The following CAPN13 variants were observed in gnomAD, a reference collection of about 807,000 sequenced individuals.
CAPN13 encodes the protein calpain-13.
In CAPN13, 90 loss-of-function variants were observed where a neutral mutation model predicts 98.4. That is an observed-to-expected ratio of 0.92 (90% CI 0.77 to 1.09). The LOEUF (loss-of-function observed/expected upper bound fraction) is 1.09, where lower values mean the gene tolerates loss of function less well. Ranked by LOEUF, CAPN13 falls within the 50% of genes least tolerant of loss-of-function variation. CAPN13 has a pLI of 0.00. For missense variants in CAPN13, 887 were observed against 841.3 expected (o/e 1.05, Z -0.67); for synonymous variants, 330 against 305.5 (o/e 1.08, Z -0.84).
rs749552987 is a variant in CAPN13, at chr2:30,751,266, G to A, written c.1088-15C>T. 6.2e-7 allele frequency: 1 copy of A among 1,613,070 alleles called. No homozygotes were observed. Among genetic ancestry groups the A allele is most frequent in the Non-Finnish European group, 8.5e-7 (1 of 1,179,244 alleles). Reference sequence around the variant, plus strand: ...CCGAGGTCCTCCTGCATCAGAAAGAGCTGTTACTAGAGCTCAGCTCCACTC... The same window carrying A: ...CCGAGGTCCTCCTGCATCAGAAAGAACTGTTACTAGAGCTCAGCTCCACTC... On this transcript the variant is annotated splice_polypyrimidine_tract_variant and intron_variant, in intron 10 of 22. Transcript: ENST00000295055.
chr2:30,769,816 C>G (rs1558325159), intron 5 of CAPN13, among the ~76,000 whole-genome samples: 1 of 152,152 alleles, frequency 6.6e-6, no homozygotes, highest in African/African-American at 2.4e-5. Context: ...CACCGGGTGC[C>G]CAACTGCCTG....
intron 15 of CAPN13, among the ~76,000 whole-genome samples, chr2:30,740,148 G>A (rs1312727963): frequency 7.3e-6 from 1 of 137,492 alleles, no homozygotes; most frequent in African/African-American, 2.7e-5. Context: ...AGGCTGCAGT[G>A]CAATGGCACG....
In CAPN13 at chr2:30,758,187, C is replaced by T. The variant is rs905213045; in HGVS notation, c.775-50G>A. 5 of 1,385,748 alleles carry T rather than the reference C, an allele frequency of 3.6e-6. No individual in the cohort carries two copies. The East Asian group carries it at 1.0e-4, about 28-fold the overall frequency. 85.8% of individuals were successfully genotyped at this position (1,385,748 alleles called of 1,614,324 possible). On this transcript the variant is annotated intron_variant, in intron 7 of 22. Coordinates refer to ENST00000295055, the MANE Select transcript of CAPN13 (RefSeq NM_144575.3). ...CTCAGTGCTCTACAGCAAAAGTCAG[C>T]AGAAAGGGGGATGAATGCAGCTGCT...
At chr2:30,762,671 C>T (rs759813081) in intron 7 of CAPN13, among the ~76,000 whole-genome samples, 20 of 152,224 alleles carry the variant, frequency 1.3e-4, no homozygotes, top group Non-Finnish European at 2.8e-4. Context: ...TGAACCTTGT[C>T]TTAAGACCCT....
rs1338739615 is a variant in CAPN13, at chr2:30,731,334, G to T, written c.1983+10C>A. 2 of 1,607,240 alleles carry T rather than the reference G, an allele frequency of 1.2e-6. No individual in the cohort carries two copies. Among genetic ancestry groups the T allele is most frequent in the Non-Finnish European group, 1.7e-6 (2 of 1,176,768 alleles). On this transcript the variant is annotated intron_variant, in intron 21 of 22. Coordinates refer to ENST00000295055, the MANE Select transcript of CAPN13 (RefSeq NM_144575.3). ...ACTGTGCCTGCCCCGGGGAGGGGAA[G>T]GTACCTCACCTCCATTTCTGTCAGG...
chr2:30,730,790 A>G lies in CAPN13; in HGVS notation c.1984-4T>C, dbSNP rs1232520763. On this transcript the variant is annotated splice_region_variant and splice_polypyrimidine_tract_variant and intron_variant, in intron 21 of 22. Coordinates refer to ENST00000295055, the MANE Select transcript of CAPN13 (RefSeq NM_144575.3). Reference sequence around the variant, plus strand: ...TGTACATGACCAGGCTCATCCACTGAAAAATAAGCATCATCATTACAACAA... The same window carrying G: ...TGTACATGACCAGGCTCATCCACTGGAAAATAAGCATCATCATTACAACAA... The G allele has an allele frequency of 1.3e-6, 1 of 780,894 alleles. No homozygotes were observed. The highest frequency in any genetic ancestry group is 2.4e-5 in the East Asian group (1 of 41,250). 48.4% of individuals were successfully genotyped at this position (780,894 alleles called of 1,614,324 possible).
intron 2 of CAPN13, among the ~76,000 whole-genome samples, chr2:30,785,339 T>G (rs1158081273): frequency 6.6e-6 from 1 of 152,158 alleles, no homozygotes; most frequent in Non-Finnish European, 1.5e-5. Context: ...AGATAAAGTA[T>G]GAGAAGACAC....
intron 5 of CAPN13, 56 bp downstream of exon 5, chr2:30,770,257 G>C (rs554923565): frequency 6.3e-7 from 1 of 1,591,692 alleles, no homozygotes; most frequent in African/African-American, 1.3e-5. Flanking sequence ...TTGCATTCCG[G>C]GTAGGCAGGA....
intron 1 of CAPN13, among the ~76,000 whole-genome samples, chr2:30,796,240 G>T (rs1048991225): frequency 7.0e-6 from 1 of 141,864 alleles, no homozygotes; most frequent in Non-Finnish European, 1.5e-5. Context: ...ATATATGTGT[G>T]CATATATATA....
At chr2:30,731,424 G>C (rs1320693194) in intron 20 of CAPN13, 25 bp from the exon 21 acceptor site, 1 of 1,598,950 alleles carries the variant, frequency 6.3e-7, no homozygotes, top group Non-Finnish European at 8.5e-7. Flanking sequence ...GGAAGGTTTT[G>C]ACTGACTGAG....
chr2:30,765,076 T>C (rs1158099388), intron 5 of CAPN13, among the ~76,000 whole-genome samples: 1 of 152,096 alleles, frequency 6.6e-6, no homozygotes, highest in Non-Finnish European at 1.5e-5. Context: ...CCCCGACCCA[T>C]GGCATTTCTG....
Position 30,743,568 on chromosome 2 carries a change from C to G in CAPN13, c.1260G>C (p.Glu420Asp). 6.2e-7 allele frequency: 1 copy of G among 1,613,974 alleles called. No individual in the cohort carries two copies. Among genetic ancestry groups the G allele is most frequent in the Non-Finnish European group, 8.5e-7 (1 of 1,179,874 alleles). Residue 420 changes from glutamate (E) to aspartate (D), a missense_variant, in exon 13 of 23, where the codon GAG (glutamate) becomes GAC (aspartate). Transcript: ENST00000295055. ...AGGAAAAAAACACGGGTGGAAATTT[C>G]TCCCGGAACCGCTGGAATTAGAGGA... is the stretch of plus-strand genomic sequence containing the variant. The part of the protein sequence containing the change: ...VILAGSQRFR[E>D]KFPPVFFSSF...
At chr2:30,755,933 G>A (rs1166843312) in intron 8 of CAPN13, among the ~76,000 whole-genome samples, 1 of 152,016 alleles carries the variant, frequency 6.6e-6, no homozygotes, top group Non-Finnish European at 1.5e-5. Context: ...AGACCATCCG[G>A]TGCTCTCCAT....
intron 20 of CAPN13, 109 bp downstream of exon 20, chr2:30,732,329 T>G (rs1572780716): frequency 7.0e-7 from 1 of 1,419,628 alleles, no homozygotes; most frequent in South Asian, 1.3e-5. Flanking sequence ...TGGCCCACCC[T>G]GCTGCTGAGG....
At chr2:30,793,304 T>C (rs1038256910) in intron 1 of CAPN13, among the ~76,000 whole-genome samples, 4 of 151,488 alleles carry the variant, frequency 2.6e-5, no homozygotes, top group African/African-American at 7.3e-5. Flanking sequence ...AAAAATTATA[T>C]TATTATATAA....
intron 2 of CAPN13, among the ~76,000 whole-genome samples, chr2:30,784,300 G>C (rs1674145757): frequency 6.6e-6 from 1 of 152,190 alleles, no homozygotes; most frequent in African/African-American, 2.4e-5. Context: ...ACTGGCCAAG[G>C]ACTGAAGCTG....
intron 1 of CAPN13, among the ~76,000 whole-genome samples, chr2:30,800,142 A>AG (rs1675157405): frequency 2.0e-5 from 3 of 148,380 alleles, no homozygotes; most frequent in South Asian, 2.2e-4. Flanking sequence ...GAAAGAAAGA[A>AG]AGAAAGAAAG....
intron 15 of CAPN13, chr2:30,741,488 G>T: frequency 9.7e-7 from 1 of 1,029,332 alleles, no homozygotes; most frequent in Non-Finnish European, 1.2e-6. Context: ...GTGCACATAG[G>T]TGGTTTGGCA....
intron 11 of CAPN13, among the ~76,000 whole-genome samples, chr2:30,749,238 C>T (rs2147984875): frequency 1.3e-5 from 2 of 152,290 alleles, no homozygotes; most frequent in South Asian, 4.1e-4. Flanking sequence ...ACATGATACT[C>T]AAAGGAAATG....
Sources: allele counts gnomAD v4.1 joint callset (sites outside exome capture counted in the v4.1 genomes callset), GRCh38; gene constraint gnomAD v4.1.1; transcripts MANE v1.5; gene names NCBI Gene and HGNC (gene_info 2026-07-23, HGNC 2026-07-21).